ANKRD62: variants seen among roughly 807,000 people sequenced by gnomAD.
ANKRD62 encodes the protein ankyrin repeat domain 62.
A neutral mutation model predicts 98.8 loss-of-function variants in ANKRD62; 61 were observed. The observed-to-expected ratio is 0.62, with a 90% CI of 0.50 to 0.76. ANKRD62 has a LOEUF of 0.76. Ranked by LOEUF, ANKRD62 falls within the 30% of genes least tolerant of loss-of-function variation. The pLI, the probability that ANKRD62 is intolerant of heterozygous loss-of-function variation, is 0.00. For synonymous variants in ANKRD62, 341 were observed against 367.9 expected, an observed-to-expected ratio of 0.93 and a Z score of 0.84; for missense variants, 933 against 1,082.9, an observed-to-expected ratio of 0.86 and a Z score of 1.94.
At position 12,127,739 on chromosome 18, in the gene ANKRD62, T is replaced by C. The variant is rs1451092301; in HGVS notation, c.2563-9T>C. 7.3e-7 allele frequency: 1 copy of C among 1,375,776 alleles called. No homozygotes were observed. Among genetic ancestry groups the C allele is most frequent in the Admixed American group, 3.4e-5 (1 of 29,682 alleles). 85.2% of individuals were successfully genotyped at this position (1,375,776 alleles called of 1,614,324 possible). On this transcript the variant is annotated splice_polypyrimidine_tract_variant and intron_variant, in intron 13 of 13. Coordinates refer to ENST00000587848, the MANE Select transcript of ANKRD62 (RefSeq NM_001277333.2). Reference sequence around the variant, plus strand: ...TGTAAAATCAGTAACAAAAATAACATCTTACCAGGTAGTCAGGAGACAGCT... The same window carrying C: ...TGTAAAATCAGTAACAAAAATAACACCTTACCAGGTAGTCAGGAGACAGCT...
the ANKRD62 span, among the ~76,000 whole-genome samples, chr18:12,156,734 T>TTTA: frequency 4.6e-5 from 7 of 152,206 alleles, no homozygotes; most frequent in African/African-American, 1.7e-4. Flanking sequence ...TGCTATACCA[T>TTTA]TTAGTTCTCT....
the ANKRD62 span, among the ~76,000 whole-genome samples, chr18:12,145,135 C>T: frequency 1.1e-4 from 17 of 152,036 alleles, no homozygotes; most frequent in Admixed American, 1.0e-3. Context: ...TCGTGCTGTG[C>T]TGTGCTGTGC....
At chr18:12,176,530 A>G in the ANKRD62 span, among the ~76,000 whole-genome samples, 76 of 125,778 alleles carry the variant, frequency 6.0e-4, 8 homozygotes, top group African/African-American at 2.3e-3. Context: ...GTAAAGTTCA[A>G]CTTTCCGAGC....
At chr18:12,112,535 T>A (rs1909566407) in intron 8 of ANKRD62, among the ~76,000 whole-genome samples, 1 of 152,206 alleles carries the variant, frequency 6.6e-6, no homozygotes, top group South Asian at 2.1e-4. Context: ...AACTTCACCC[T>A]TTCCTTACAC....
the ANKRD62 span, among the ~76,000 whole-genome samples, chr18:12,139,882 T>G: frequency 0.61 from 93,148 of 151,756 alleles, 29,036 homozygotes; most frequent in Middle Eastern, 0.76. Flanking sequence ...TCCTGAATTT[T>G]AATGTTGGCC....
intron 8 of ANKRD62, among the ~76,000 whole-genome samples, chr18:12,109,264 G>A (rs1480448427): frequency 6.6e-6 from 1 of 152,186 alleles, no homozygotes; most frequent in Non-Finnish European, 1.5e-5. Context: ...CTAGGCAAAG[G>A]TTCCCAAACC....
At chr18:12,139,534 T>A in the ANKRD62 span, among the ~76,000 whole-genome samples, 1 of 151,830 alleles carries the variant, frequency 6.6e-6, no homozygotes. Context: ...TAGTCCCAGC[T>A]ACTTGGGAGG....
At chr18:12,166,136 T>C in the ANKRD62 span, among the ~76,000 whole-genome samples, 1 of 152,160 alleles carries the variant, frequency 6.6e-6, no homozygotes. Context: ...TTAAATCTGC[T>C]TGGTGTTCTA....
At chr18:12,122,042 T>C (rs1308681148) in intron 10 of ANKRD62, among the ~76,000 whole-genome samples, 1 of 152,228 alleles carries the variant, frequency 6.6e-6, no homozygotes, top group Admixed American at 6.5e-5. Flanking sequence ...CTAAAACAGC[T>C]ATGTATTCTT....
rs569980687 is a variant in ANKRD62, at chr18:12,095,110, G to A, written c.219-61G>A. ...CTATTGGATGTTTACAATTGCATGC[G>A]TCGTTGTATGTTTTGGGACTGTGCA... On this transcript the variant is annotated intron_variant, in intron 1 of 13. Transcript: ENST00000587848. 25 of 1,140,392 alleles carry A rather than the reference G, an allele frequency of 2.2e-5. No homozygotes were observed. The Admixed American group carries it at 2.2e-4, about 10-fold the overall frequency. 70.6% of individuals were successfully genotyped at this position (1,140,392 alleles called of 1,614,324 possible). A position where few individuals can be genotyped will look rare whatever the true frequency, so the allele number is the denominator to read the frequency against.
the ANKRD62 span, among the ~76,000 whole-genome samples, chr18:12,156,365 C>T: frequency 6.6e-6 from 1 of 152,120 alleles, no homozygotes; most frequent in Non-Finnish European, 1.5e-5. Flanking sequence ...TTAGACCTCT[C>T]CCTGTCAAAA....
chr18:12,156,920 T>C, the ANKRD62 span, among the ~76,000 whole-genome samples: 3 of 152,214 alleles, frequency 2.0e-5, no homozygotes, highest in Non-Finnish European at 4.4e-5. Context: ...ATAAGATATA[T>C]GATAACTTCC....
At chr18:12,168,202 C>A in the ANKRD62 span, among the ~76,000 whole-genome samples, 1 of 152,116 alleles carries the variant, frequency 6.6e-6, no homozygotes, top group Admixed American at 6.6e-5. Flanking sequence ...GTCATGAAGT[C>A]CTTGCCCATT....
At chr18:12,176,283 G>A in the ANKRD62 span, among the ~76,000 whole-genome samples, 660 of 150,348 alleles carry the variant, frequency 4.4e-3, 17 homozygotes, top group African/African-American at 0.015. Context: ...TGAGTAAACC[G>A]CCAAGAGATC....
chr18:12,167,369 A>G, the ANKRD62 span, among the ~76,000 whole-genome samples: 1 of 151,900 alleles, frequency 6.6e-6, no homozygotes, highest in South Asian at 2.1e-4. Flanking sequence ...CCCACCTATG[A>G]GTGAGAACAT....
Position 12,119,779 on chromosome 18 carries a change from C to A in ANKRD62, c.1241-2524C>A, listed in dbSNP as rs145095671. On this transcript the variant is annotated intron_variant, in intron 10 of 13. Coordinates refer to ENST00000587848, the MANE Select transcript of ANKRD62 (RefSeq NM_001277333.2). ...TTATTTATTTATTTATTTTCATTTT[C>A]TTAAGGTAGAAGTCAGGGTTATTGA... Among the ~76,000 whole-genome samples the A allele has an allele frequency of 4.2e-3, 637 of 151,790 alleles. 9 individuals are homozygous for A. Among genetic ancestry groups the A allele is most frequent in the African/African-American group, 0.014 (601 of 41,454 alleles).
chr18:12,154,769 C>G, the ANKRD62 span, among the ~76,000 whole-genome samples: 4 of 152,128 alleles, frequency 2.6e-5, no homozygotes, highest in Admixed American at 2.6e-4. Flanking sequence ...ACATATACAC[C>G]ACAGAATACT....
chr18:12,131,744 T>C (rs1468049038), downstream of ANKRD62, among the ~76,000 whole-genome samples: 1 of 151,976 alleles, frequency 6.6e-6, no homozygotes, highest in Admixed American at 6.6e-5. Flanking sequence ...TGAGTGTGTG[T>C]GTGTGTGTGT....
At chr18:12,130,366 G>A (rs148851834), downstream of ANKRD62, among the ~76,000 whole-genome samples, 1,695 of 152,068 alleles carry the variant, frequency 0.011, 31 homozygotes, top group African/African-American at 0.039. Context: ...AGAAAATGCC[G>A]TGTTAAAAAT....
Sources: allele counts gnomAD v4.1 joint callset (sites outside exome capture counted in the v4.1 genomes callset), GRCh38; gene constraint gnomAD v4.1.1; transcripts MANE v1.5; gene names NCBI Gene and HGNC (gene_info 2026-07-23, HGNC 2026-07-21).